The following TMEM214 variants were observed in gnomAD, a reference collection of about 807,000 sequenced individuals.
TMEM214 encodes the protein transmembrane protein 214.
In TMEM214, 71 loss-of-function variants were observed where a neutral mutation model predicts 89.8. The observed-to-expected ratio is 0.79, with a 90% CI of 0.65 to 0.96. The LOEUF is 0.96. TMEM214 is among the 40% of genes least tolerant of loss of function. The pLI is 0.00. For missense variants in TMEM214, 754 were observed against 843.4 expected (o/e 0.89, Z 1.31); for synonymous variants, 332 against 349.5 (o/e 0.95, Z 0.56).
In TMEM214 at chr2:27,037,092, T is replaced by C. The variant is rs747530028; in HGVS notation, c.924T>C (p.Leu308=). 22 of 1,613,896 alleles carry C rather than the reference T, an allele frequency of 1.4e-5. No homozygotes were observed. Among genetic ancestry groups the C allele is most frequent in the Non-Finnish European group, 1.6e-5 (19 of 1,179,980 alleles). ...LDRLLLMHPN[L]TKGFGMIGPK... is the part of the protein sequence containing the mutation. ...ATCCCCACAGGATGCATCCCAACCT[T>C]ACCAAGGGCTTCGGCATGATTGGCC... The change falls in exon 8 of 17, where the codon CTT becomes CTC. Residue 308 remains leucine (L), a synonymous_variant. Transcript: ENST00000238788.
Position 27,039,100 on chromosome 2 carries a change from G to A in TMEM214, c.1461G>A (p.Leu487=). ...GGCTGCCCTGGACGCGGCTCCTCCT[G>A]TTGCTGCTGGTCTTCGCTGTAGGCT... ...GPRLPWTRLL[L]LLLVFAVGFL... is the part of the protein sequence containing the mutation. The change falls in exon 13 of 17, where the codon CTG becomes CTA. Residue 487 remains leucine, a synonymous_variant. Transcript: ENST00000238788. 6.2e-7 allele frequency: 1 copy of A among 1,613,918 alleles called. No individual in the cohort carries two copies.
At position 27,038,907 on chromosome 2, in the gene TMEM214, C is replaced by G. The variant is rs879868736; in HGVS notation, c.1407+92C>G. 1.1e-5 allele frequency: 16 copies of G among 1,421,308 alleles called. No individual in the cohort carries two copies. Among genetic ancestry groups the G allele is most frequent in the Non-Finnish European group, 1.6e-5 (16 of 1,012,170 alleles). 88.0% of individuals were successfully genotyped at this position (1,421,308 alleles called of 1,614,324 possible). On this transcript the variant is annotated intron_variant, in intron 12 of 16. Coordinates refer to ENST00000238788, the MANE Select transcript of TMEM214 (RefSeq NM_017727.5). This position sits in a 1 kb window ranked among gnomAD's most constrained non-coding sequence, Gnocchi z 4.4. The stretch of plus-strand genomic sequence containing the variant: ...GGGCCTGTATCACATTCCTGCCCCA[C>G]CTGTCTGGAGCCCCCCGCTGCCTCC...
In TMEM214 at chr2:27,038,723, A is replaced by G; in HGVS notation, c.1315A>G (p.Thr439Ala). ...ATAGGTACAGAAGTCTTTGCAAGAA[A>G]CCATTCAGTCCCTCAAGCTTACCAA... ...PKKVQKSLQE[T>A]IQSLKLTNQE... is the part of the protein sequence containing the mutation. The change falls in exon 12 of 17, where the codon ACC becomes GCC. Residue 439 changes from threonine (T) to alanine (A), a missense_variant. By Grantham distance (58) the Thr-to-Ala change is moderately conservative. Transcript: ENST00000238788. The surrounding 1 kb of genome is among the most constrained non-coding windows in gnomAD (Gnocchi z 4.4). 6.2e-7 allele frequency: 1 copy of G among 1,614,072 alleles called. No homozygotes were observed. Among genetic ancestry groups the G allele is most frequent in the Non-Finnish European group, 8.5e-7 (1 of 1,179,988 alleles).
In TMEM214 at chr2:27,038,134, C is replaced by T. The variant is rs774629044; in HGVS notation, c.1153-12C>T. 6.8e-6 allele frequency: 11 copies of T among 1,614,146 alleles called. No individual in the cohort carries two copies. Among genetic ancestry groups the T allele is most frequent in the African/African-American group, 5.3e-5 (4 of 75,058 alleles). ...TGCCCCCAGCAGCCTCTCCCTCTGT[C>T]GTGCTGTGCAGCTCCTGAGCAGCCT... On this transcript the variant is annotated splice_polypyrimidine_tract_variant and intron_variant, in intron 9 of 16. Coordinates refer to ENST00000238788, the MANE Select transcript of TMEM214 (RefSeq NM_017727.5). This position sits in a 1 kb window ranked among gnomAD's most constrained non-coding sequence, Gnocchi z 4.4.
In TMEM214 at chr2:27,033,185, C is replaced by T; in HGVS notation, c.151+19C>T. On this transcript the variant is annotated intron_variant, in intron 1 of 16. Transcript: ENST00000238788. ...CTGACCCGTGAGTACCCGCCCTGCC[C>T]CGCCGCCTACCCCAGGCCTGTCCGG... 1 of 1,247,182 alleles carries T rather than the reference C, an allele frequency of 8.0e-7. No individual in the cohort carries two copies. Among genetic ancestry groups the T allele is most frequent in the Non-Finnish European group, 1.0e-6 (1 of 987,594 alleles). The allele number at this position is 1,247,182 out of a possible 1,614,324, so 77.3% of individuals were successfully genotyped here. A position where few individuals can be genotyped will look rare whatever the true frequency, so the allele number is the denominator to read the frequency against.
chr2:27,040,914 C>T lies in TMEM214; in HGVS notation c.*77C>T. The T allele has an allele frequency of 6.4e-7, 1 of 1,561,846 alleles. No homozygotes were observed. On this transcript the variant is annotated 3_prime_UTR_variant, in exon 17 of 17. Coordinates refer to ENST00000238788, the MANE Select transcript of TMEM214 (RefSeq NM_017727.5). Reference sequence around the variant, plus strand: ...CAGCGGGTAGAAGGTGGCAGTTCTTCATGGGAGTCTTTTTAACTTGGTGCC... The same window carrying T: ...CAGCGGGTAGAAGGTGGCAGTTCTTTATGGGAGTCTTTTTAACTTGGTGCC...
chr2:27,038,641 G>A lies in TMEM214; in HGVS notation c.1294-61G>A. On this transcript the variant is annotated intron_variant, in intron 11 of 16. Transcript: ENST00000238788. The surrounding 1 kb of genome is among the most constrained non-coding windows in gnomAD (Gnocchi z 4.4). ...CCTGAGAAGGGACCCTGTTGGCATG[G>A]AAAATGAAGCAGGATGGAAGCTCTG... The A allele has an allele frequency of 6.2e-7, 1 of 1,604,810 alleles. No homozygotes were observed. The highest frequency in any genetic ancestry group is 8.5e-7 in the Non-Finnish European group (1 of 1,173,072).
intron 3 of TMEM214, 99 bp downstream of exon 3, chr2:27,035,384 G>A (rs1667509530): frequency 6.6e-7 from 1 of 1,512,480 alleles, no homozygotes; most frequent in African/African-American, 1.4e-5. Flanking sequence ...TGATTTCCAT[G>A]GGTGATTTGG....
In TMEM214 at chr2:27,034,253, A is replaced by T; in HGVS notation, c.338A>T (p.Glu113Val). The T allele has an allele frequency of 6.2e-7, 1 of 1,613,798 alleles. No individual in the cohort carries two copies. The highest frequency in any genetic ancestry group is 8.5e-7 in the Non-Finnish European group (1 of 1,180,028). Residue 113 changes from glutamate (E) to valine (V), a missense_variant, in exon 2 of 17, where the codon GAA (glutamate) becomes GTA (valine). Physicochemically the swap from Glu to Val is moderately radical, Grantham distance 121. Transcript: ENST00000238788. ...QKQGRFRSLE[E>V]ALKALDVADL... ...CAGGGCCGCTTCCGCAGCCTGGAGG[A>T]AGCACTGAAAGCTGTGAGTGTGCCT...
rs773307892 is a variant in TMEM214, at chr2:27,038,654, G to C, written c.1294-48G>C. 2 of 1,606,602 alleles carry C rather than the reference G, an allele frequency of 1.2e-6. No individual in the cohort carries two copies. Among genetic ancestry groups the C allele is most frequent in the East Asian group, 4.5e-5 (2 of 44,790 alleles). ...CCTGTTGGCATGGAAAATGAAGCAG[G>C]ATGGAAGCTCTGGATTCCCTCACAG... is the stretch of plus-strand genomic sequence containing the variant. On this transcript the variant is annotated intron_variant, in intron 11 of 16. Coordinates refer to ENST00000238788, the MANE Select transcript of TMEM214 (RefSeq NM_017727.5). The surrounding 1 kb of genome is among the most constrained non-coding windows in gnomAD (Gnocchi z 4.4).
chr2:27,039,806 A>G lies in TMEM214; in HGVS notation c.1591A>G (p.Lys531Glu). Residue 531 changes from lysine to glutamate, a missense_variant, in exon 14 of 17, where the codon AAG becomes GAG. Transcript: ENST00000238788. The part of the protein sequence containing the change: ...FLPASQQACA[K>E]LYSYSLQGYS... ...ACCTGCTAGCCAACAAGCGTGTGCC[A>G]AGCTCTACTCCTACAGTCTGCAAGG... 1 of 1,614,184 alleles carries G rather than the reference A, an allele frequency of 6.2e-7. No homozygotes were observed. The highest frequency in any genetic ancestry group is 8.5e-7 in the Non-Finnish European group (1 of 1,180,018).
rs1667521654 is a variant in TMEM214, at chr2:27,035,584, TG to T, written c.503-7del. ...GTCCTAGCACTCACATTGAGGCCTA[TG>T]GGCCTTAGATTATCCCTACAGCCTG... On this transcript the variant is annotated splice_polypyrimidine_tract_variant and intron_variant, in intron 3 of 16. Coordinates refer to ENST00000238788, the MANE Select transcript of TMEM214 (RefSeq NM_017727.5). The T allele has an allele frequency of 3.7e-6, 6 of 1,614,144 alleles. No homozygotes were observed. The Middle Eastern group carries it at 6.6e-4, about 178-fold the overall frequency.
chr2:27,038,185 C>G lies in TMEM214; in HGVS notation c.1192C>G (p.Leu398Val). The G allele has an allele frequency of 1.2e-6, 2 of 1,614,182 alleles. No individual in the cohort carries two copies. Among genetic ancestry groups the G allele is most frequent in the Non-Finnish European group, 1.7e-6 (2 of 1,180,026 alleles). ...GACTGAGTGCCTGACGGTGGACCCC[C>G]TCAGTGCCAGCGTCTGGAGGCAGCT... ...SLTECLTVDP[L>V]SASVWRQLYP... is the part of the protein sequence containing the mutation. Residue 398 changes from leucine to valine, a missense_variant, in exon 10 of 17, where the codon CTC becomes GTC. Leu to Val is a conservative substitution (Grantham distance 32). Coordinates refer to ENST00000238788, the MANE Select transcript of TMEM214 (RefSeq NM_017727.5). This position sits in a 1 kb window ranked among gnomAD's most constrained non-coding sequence, Gnocchi z 4.4.
intron 4 of TMEM214, 39 bp downstream of exon 4, chr2:27,035,767 TC>T (rs145600248): frequency 1.9e-6 from 3 of 1,613,196 alleles, no homozygotes; most frequent in East Asian, 4.5e-5. Context: ...CTTGGGAGCC[TC>T]CTCCTTTTTT....
chr2:27,034,017 C>A, intron 1 of TMEM214, 50 bp from the exon 2 acceptor site: 3 of 1,595,876 alleles, frequency 1.9e-6, no homozygotes, highest in Non-Finnish European at 2.6e-6. Context: ...ATAGGTGAGG[C>A]CTTGGGGACT....
At chr2:27,033,925 A>T in intron 1 of TMEM214, 142 bp from the exon 2 acceptor site, 2 of 871,934 alleles carry the variant, frequency 2.3e-6, no homozygotes, top group Non-Finnish European at 3.6e-6. Context: ...CCTGCTCCTT[A>T]AGCAGTCCAA....
intron 5 of TMEM214, 26 bp downstream of exon 5, chr2:27,036,078 G>A (rs1235615023): frequency 1.2e-6 from 2 of 1,607,470 alleles, no homozygotes; most frequent in African/African-American, 1.3e-5. Flanking sequence ...TGGTGGGGAT[G>A]CTAGGAAGCT....
rs532327737 is a variant in TMEM214 at position 27,038,043 on chromosome 2, G to A, written c.1153-103G>A. The A allele has an allele frequency of 2.4e-5, 39 of 1,610,568 alleles. No individual in the cohort carries two copies. Among genetic ancestry groups the A allele is most frequent in the Middle Eastern group, 1.6e-4 (1 of 6,082 alleles). On this transcript the variant is annotated intron_variant, in intron 9 of 16. Coordinates refer to ENST00000238788, the MANE Select transcript of TMEM214 (RefSeq NM_017727.5). The surrounding 1 kb of genome is among the most constrained non-coding windows in gnomAD (Gnocchi z 4.4). ...TCTCCACCCCTTAGGGTGGATGTGC[G>A]GCCTGGATGGCCTTGCTTACGGGAA... is the stretch of plus-strand genomic sequence containing the variant.
chr2:27,041,120 T>G lies in TMEM214; in HGVS notation c.*283T>G. ...CTGGTAGCCTCTCACAACTCCGCCC[T>G]TGCCCTCTGCCTTCCACTTCCTTCC... On this transcript the variant is annotated 3_prime_UTR_variant, in exon 17 of 17. Coordinates refer to ENST00000238788, the MANE Select transcript of TMEM214 (RefSeq NM_017727.5). 1 of 373,938 alleles carries G rather than the reference T, an allele frequency of 2.7e-6. No homozygotes were observed. Among genetic ancestry groups the G allele is most frequent in the Non-Finnish European group, 4.9e-6 (1 of 202,394 alleles). The allele number at this position is 373,938 out of a possible 1,614,324, so 23.2% of individuals were successfully genotyped here. A position where few individuals can be genotyped will look rare whatever the true frequency, so the allele number is the denominator to read the frequency against.
Sources: gnomAD v4.1 joint callset for allele counts on GRCh38, gnomAD v4.1.1 for gene constraint, Gnocchi (gnomAD v3.1) non-coding constraint, MANE v1.5 for transcripts, NCBI Gene and HGNC (gene_info 2026-07-23, HGNC 2026-07-21) for gene names.